The following KCNH1 variants were observed in gnomAD, a reference collection of about 807,000 sequenced individuals.
KCNH1 encodes potassium voltage-gated channel subfamily H member 1.
KCNH1 carries 27 observed loss-of-function variants against 69.2 expected under a neutral mutation model. The observed-to-expected ratio is 0.39, with a 90% CI of 0.29 to 0.54. The LOEUF (loss-of-function observed/expected upper bound fraction) is 0.54, where lower values mean the gene tolerates loss of function less well. Among genes scored for constraint, KCNH1 ranks in the 20% least tolerant of loss-of-function variants. KCNH1 has a pLI of 0.68. For synonymous variants in KCNH1, 456 were observed against 487.7 expected, an observed-to-expected ratio of 0.93 and a Z score of 0.86; for missense variants, 798 against 1,261.6, an observed-to-expected ratio of 0.63 and a Z score of 5.57.
intron 7 of KCNH1, among the ~76,000 whole-genome samples, chr1:210,819,280 T>C (rs1436599257): frequency 1.3e-5 from 2 of 152,220 alleles, no homozygotes; most frequent in Non-Finnish European, 2.9e-5. Flanking sequence ...TGACATTCTT[T>C]ATTTTTCCCT....
chr1:210,785,841 C>T (rs1253324661), intron 9 of KCNH1, among the ~76,000 whole-genome samples: 6 of 152,154 alleles, frequency 3.9e-5, no homozygotes, highest in Admixed American at 3.9e-4. Flanking sequence ...TTCTGTCCTC[C>T]TCTGCCATAA....
At chr1:211,018,651 T>A (rs1243221902) in intron 6 of KCNH1, 132 bp downstream of exon 6, 1 of 751,360 alleles carries the variant, frequency 1.3e-6, no homozygotes, top group Non-Finnish European at 2.2e-6. Context: ...AGGGTATCTA[T>A]CAAGCATGCT....
At chr1:210,762,121 T>A (rs1259747409) in intron 10 of KCNH1, among the ~76,000 whole-genome samples, 1 of 152,128 alleles carries the variant, frequency 6.6e-6, no homozygotes, top group Non-Finnish European at 1.5e-5. Context: ...TGCTCCTGAA[T>A]GACTTTTAGG....
chr1:210,963,580 T>A (rs377117111), intron 6 of KCNH1, among the ~76,000 whole-genome samples: 39 of 151,986 alleles, frequency 2.6e-4, no homozygotes, highest in African/African-American at 8.4e-4. Flanking sequence ...GAACAACCAG[T>A]TTATAGAAGA....
chr1:210,860,362 A>G, intron 7 of KCNH1: 1 of 1,433,554 alleles, frequency 7.0e-7, no homozygotes, highest in South Asian at 1.1e-5. Flanking sequence ...AACAGTACCA[A>G]TGACCTGTAA....
intron 7 of KCNH1, among the ~76,000 whole-genome samples, chr1:210,875,704 G>C (rs1417053719): frequency 6.6e-6 from 1 of 152,006 alleles, no homozygotes; most frequent in Non-Finnish European, 1.5e-5. Flanking sequence ...TCGGGAAGCT[G>C]AGGTGGGAGG....
intron 6 of KCNH1, among the ~76,000 whole-genome samples, chr1:210,923,118 G>A (rs1298048621): frequency 2.0e-5 from 3 of 152,126 alleles, no homozygotes; most frequent in African/African-American, 7.2e-5. Flanking sequence ...CCACCACCTG[G>A]AATATGGAAT....
chr1:210,796,341 G>T (rs1180352548), intron 9 of KCNH1, among the ~76,000 whole-genome samples: 1 of 151,916 alleles, frequency 6.6e-6, no homozygotes, highest in Admixed American at 6.6e-5. Flanking sequence ...CATTTCATAG[G>T]GTTACTGTAA....
At chr1:211,123,207 C>A (rs1691719026) in intron 1 of KCNH1, among the ~76,000 whole-genome samples, 1 of 152,124 alleles carries the variant, frequency 6.6e-6, no homozygotes, top group South Asian at 2.1e-4. Flanking sequence ...ACCCAGGCCC[C>A]AGTCACAGAA....
At chr1:210,864,191 C>A (rs1353293841) in intron 7 of KCNH1, among the ~76,000 whole-genome samples, 1 of 152,202 alleles carries the variant, frequency 6.6e-6, no homozygotes, top group African/African-American at 2.4e-5. Flanking sequence ...CTTCTCTCAG[C>A]CTGACAGCAG....
intron 4 of KCNH1, among the ~76,000 whole-genome samples, chr1:211,086,189 TA>T (rs887296615): frequency 1.8e-4 from 28 of 152,042 alleles, no homozygotes; most frequent in East Asian, 3.9e-4. Context: ...AAAGAACAAA[TA>T]TTTTTTTTTC....
chr1:210,736,071 G>C (rs369287798), intron 10 of KCNH1, among the ~76,000 whole-genome samples: 1 of 151,494 alleles, frequency 6.6e-6, no homozygotes, highest in Non-Finnish European at 1.5e-5. Context: ...GTCTCATTAA[G>C]TTGCCCACGT....
intron 10 of KCNH1, among the ~76,000 whole-genome samples, chr1:210,769,600 C>T (rs1034621634): frequency 1.1e-4 from 17 of 152,216 alleles, no homozygotes; most frequent in Non-Finnish European, 2.2e-4. Flanking sequence ...AAGCCCTACA[C>T]ACAGAATGAG....
At chr1:210,869,114 T>C (rs1243321660) in intron 7 of KCNH1, among the ~76,000 whole-genome samples, 3 of 152,158 alleles carry the variant, frequency 2.0e-5, no homozygotes, top group African/African-American at 7.2e-5. Flanking sequence ...GATTTAAAAG[T>C]TTCTGACAAG....
At position 211,133,513 on chromosome 1, in the gene KCNH1, C is replaced by T; in HGVS notation, c.79+354G>A. The T allele has an allele frequency of 6.0e-6, 1 of 167,924 alleles. No individual in the cohort carries two copies. Among genetic ancestry groups the T allele is most frequent in the Non-Finnish European group, 1.3e-5 (1 of 78,546 alleles). The allele number at this position is 167,924 out of a possible 1,614,324, so 10.4% of individuals were successfully genotyped here. A position where few individuals can be genotyped will look rare whatever the true frequency, so the allele number is the denominator to read the frequency against. On this transcript the variant is annotated intron_variant, in intron 1 of 10. Coordinates refer to ENST00000271751, the MANE Select transcript of KCNH1 (RefSeq NM_172362.3). The surrounding 1 kb of genome is among the most constrained non-coding windows in gnomAD (Gnocchi z 5.4). ...CCCAGAGCCTTCGCGGAAGGGTGGG[C>T]AGTGCCGATGGGGCGCGCGCTGCCG...
At position 210,804,085 on chromosome 1, in the gene KCNH1, A is replaced by T. The variant is rs1404769122; in HGVS notation, c.1544T>A (p.Met515Lys). The part of the protein sequence containing the change: ...MYANTNRYHE[M>K]LNSVRDFLKL... ...CAGGAAGTCCCGAACACTGTTGAGC[A>T]TCTCATGGTATCTGTTGGTGTTGGC... Residue 515 changes from methionine (M) to lysine (K), a missense_variant, in exon 8 of 11, where the codon ATG becomes AAG. Transcript: ENST00000271751. 1 of 1,614,068 alleles carries T rather than the reference A, an allele frequency of 6.2e-7. No individual in the cohort carries two copies. The highest frequency in any genetic ancestry group is 1.3e-5 in the African/African-American group (1 of 74,930).
In KCNH1 at chr1:210,834,650, A is replaced by T. The variant is rs575108814; in HGVS notation, c.1463-30484T>A. ...GTATACATATGTAACTAACCTGCAC[A>T]TTGTGCACATGTACCCTAAAACTTA... On this transcript the variant is annotated intron_variant, in intron 7 of 10. Coordinates refer to ENST00000271751, the MANE Select transcript of KCNH1 (RefSeq NM_172362.3). Among the ~76,000 whole-genome samples the T allele has an allele frequency of 2.0e-5, 3 of 149,462 alleles. No individual in the cohort carries two copies. The East Asian group carries it at 5.9e-4, about 29-fold the overall frequency.
At chr1:210,698,552 G>C (rs941874598) in intron 10 of KCNH1, among the ~76,000 whole-genome samples, 2 of 152,226 alleles carry the variant, frequency 1.3e-5, no homozygotes, top group African/African-American at 4.8e-5. Flanking sequence ...GGGCAGAGAA[G>C]AGGGCATAGA....
intron 6 of KCNH1, among the ~76,000 whole-genome samples, chr1:210,953,877 C>A (rs183474349): frequency 6.6e-6 from 1 of 152,194 alleles, no homozygotes; most frequent in East Asian, 1.9e-4. Flanking sequence ...CTTTCCTTTG[C>A]CTTCATAACT....
Sources: gnomAD v4.1 joint callset for allele counts (sites outside exome capture counted in the v4.1 genomes callset) on GRCh38, gnomAD v4.1.1 for gene constraint, Gnocchi (gnomAD v3.1) non-coding constraint, MANE v1.5 for transcripts, NCBI Gene and HGNC (gene_info 2026-07-23, HGNC 2026-07-21) for gene names.